The following FIBCD1 variants were observed in gnomAD, a reference collection of about 807,000 sequenced individuals.
FIBCD1 encodes fibrinogen C domain-containing protein 1.
Under a neutral mutation model 45.1 loss-of-function variants are expected in FIBCD1, and 47 were observed. The ratio of observed to expected loss-of-function variants is 1.04; its 90% CI spans 0.82 to 1.33. The LOEUF (loss-of-function observed/expected upper bound fraction) is 1.33. FIBCD1 is among the 40% of genes most tolerant of loss of function. FIBCD1 has a pLI of 0.00. For missense variants in FIBCD1, 653 were observed against 682.2 expected (o/e 0.96, Z 0.48); for synonymous variants, 313 against 308.1 (o/e 1.02, Z -0.17).
intron 1 of FIBCD1, among the ~76,000 whole-genome samples, chr9:130,933,424 G>A (rs951655124): frequency 2.0e-5 from 3 of 152,118 alleles, no homozygotes; most frequent in Admixed American, 6.5e-5. Context: ...AGGGCATCTC[G>A]GGCAAGTGAG....
Position 130,911,654 on chromosome 9 carries a change from C to T in FIBCD1, c.946+138G>A, listed in dbSNP as rs1452491335. On this transcript the variant is annotated intron_variant, in intron 5 of 6. Coordinates refer to ENST00000372338, the MANE Select transcript of FIBCD1 (RefSeq NM_032843.5). ...GAATGCCTGTCACCTTCATGCATGA[C>T]ACCTGTGAGCTGGCTCAGGTGTGCC... 4 of 686,926 alleles carry T rather than the reference C, an allele frequency of 5.8e-6. 1 individual carries two copies. The highest frequency in any genetic ancestry group is 2.7e-5 in the East Asian group (1 of 36,588). 42.6% of individuals were successfully genotyped at this position (686,926 alleles called of 1,614,324 possible). A position where few individuals can be genotyped will look rare whatever the true frequency, so the allele number is the denominator to read the frequency against.
At chr9:130,914,055 G>A (rs1014181456) in intron 4 of FIBCD1, among the ~76,000 whole-genome samples, 11 of 152,194 alleles carry the variant, frequency 7.2e-5, no homozygotes, top group African/African-American at 2.4e-4. Context: ...TCACAGCCAC[G>A]CCTTCCTCCC....
rs746552675 is a variant in FIBCD1, at chr9:130,904,344, G to T, written c.1127-21C>A. 8 of 1,584,704 alleles carry T rather than the reference G, an allele frequency of 5.0e-6. No individual in the cohort carries two copies. The South Asian group carries it at 6.8e-5, about 14-fold the overall frequency. On this transcript the variant is annotated intron_variant, in intron 6 of 6. Coordinates refer to ENST00000372338, the MANE Select transcript of FIBCD1 (RefSeq NM_032843.5). Reference sequence around the variant, plus strand: ...GTCGCCTGCGCAGGGGTGCACACAGGTGTGGGCACGGGGGGCACGGGTACA... The same window carrying T: ...GTCGCCTGCGCAGGGGTGCACACAGTTGTGGGCACGGGGGGCACGGGTACA...
chr9:130,917,119 G>C (rs1346436973), intron 4 of FIBCD1, among the ~76,000 whole-genome samples: 1 of 140,398 alleles, frequency 7.1e-6, no homozygotes, highest in Non-Finnish European at 1.6e-5. Context: ...AAACAAAATG[G>C]AGGCGGGGAG....
At chr9:130,928,963 T>C (rs1242138692) in intron 2 of FIBCD1, among the ~76,000 whole-genome samples, 2 of 152,030 alleles carry the variant, frequency 1.3e-5, no homozygotes, top group African/African-American at 4.8e-5. Context: ...CTGGAAAGCC[T>C]TCACCCAGAC....
In FIBCD1 at chr9:130,921,362, G is replaced by A. The variant is rs550823424; in HGVS notation, c.849+2382C>T. 6.6e-5 allele frequency among the ~76,000 whole-genome samples: 10 copies of A among 152,350 alleles called. No homozygotes were observed. The South Asian group carries it at 8.3e-4, about 13-fold the overall frequency. On this transcript the variant is annotated intron_variant, in intron 4 of 6. Coordinates refer to ENST00000372338, the MANE Select transcript of FIBCD1 (RefSeq NM_032843.5). Reference sequence around the variant, plus strand: ...GAGTTTCTGACGGATTCCATGTGGCGGGGGGTGATCCTGACAGATGTCGAG... The same window carrying A: ...GAGTTTCTGACGGATTCCATGTGGCAGGGGGTGATCCTGACAGATGTCGAG...
chr9:130,935,146 A>G (rs538716579), intron 1 of FIBCD1, among the ~76,000 whole-genome samples: 2 of 152,354 alleles, frequency 1.3e-5, no homozygotes, highest in East Asian at 3.9e-4. Context: ...GACATCAGGA[A>G]GAACTTCCCA....
chr9:130,906,438 C>G (rs997547189), intron 5 of FIBCD1, among the ~76,000 whole-genome samples: 1 of 152,220 alleles, frequency 6.6e-6, no homozygotes, highest in African/African-American at 2.4e-5. Context: ...CCATCCCGCC[C>G]GGACAAGAAG....
At chr9:130,911,195 C>CT (rs1250571899) in intron 5 of FIBCD1, among the ~76,000 whole-genome samples, 1 of 152,220 alleles carries the variant, frequency 6.6e-6, no homozygotes, top group Non-Finnish European at 1.5e-5. Context: ...CCTGAGCCAG[C>CT]TAGACCACGA....
At position 130,915,377 on chromosome 9, in the gene FIBCD1, T is replaced by C. The variant is rs1832140450; in HGVS notation, c.850-3489A>G. 1.3e-5 allele frequency among the ~76,000 whole-genome samples: 2 copies of C among 152,124 alleles called. 1 individual carries two copies. The highest frequency in any genetic ancestry group is 1.3e-4 in the Admixed American group (2 of 15,268). On this transcript the variant is annotated intron_variant, in intron 4 of 6. Transcript: ENST00000372338. Reference sequence around the variant, plus strand: ...AAACCACATACGGCCGGCACTCCTGTCCAGGTAGCCCGAATCAACGCCCAC... The same window carrying C: ...AAACCACATACGGCCGGCACTCCTGCCCAGGTAGCCCGAATCAACGCCCAC...
At chr9:130,938,357 G>A (rs1474557884) in intron 1 of FIBCD1, 179 bp downstream of exon 1, 2 of 492,824 alleles carry the variant, frequency 4.1e-6, no homozygotes, top group Admixed American at 4.6e-5. Context: ...ACCGAACCTC[G>A]AGTTCAAGCC....
At chr9:130,930,844 CAGAG>C (rs976581598) in intron 1 of FIBCD1, 4 of 455,818 alleles carry the variant, frequency 8.8e-6, no homozygotes, top group East Asian at 7.0e-5. Flanking sequence ...ATACACTGGT[CAGAG>C]AGAGCTGTGA....
chr9:130,912,891 C>T (rs958867804), intron 4 of FIBCD1, among the ~76,000 whole-genome samples: 1 of 152,052 alleles, frequency 6.6e-6, no homozygotes, highest in African/African-American at 2.4e-5. Flanking sequence ...AGAGCACCCC[C>T]CACACACCCC....
At position 130,915,578 on chromosome 9, in the gene FIBCD1, C is replaced by T. The variant is rs149207918; in HGVS notation, c.850-3690G>A. The stretch of plus-strand genomic sequence containing the variant: ...ATTAGCCGGGCATAGTGGCAGGTGC[C>T]TGTAGTCCCAGCTACTTGGGAGGCT... On this transcript the variant is annotated intron_variant, in intron 4 of 6. Transcript: ENST00000372338. Among the ~76,000 whole-genome samples the T allele has an allele frequency of 5.3e-3, 802 of 152,266 alleles. 8 individuals carry two copies. Among genetic ancestry groups the T allele is most frequent in the African/African-American group, 0.017 (725 of 41,564 alleles).
At chr9:130,906,064 G>A (rs956870998) in intron 5 of FIBCD1, among the ~76,000 whole-genome samples, 3 of 152,158 alleles carry the variant, frequency 2.0e-5, no homozygotes, top group Non-Finnish European at 4.4e-5. Flanking sequence ...CTGGCACAAT[G>A]GTGCTTACCC....
intron 1 of FIBCD1, among the ~76,000 whole-genome samples, 160 bp downstream of exon 1, chr9:130,938,376 G>GGGA (rs930916809): frequency 6.6e-6 from 1 of 152,196 alleles, no homozygotes; most frequent in African/African-American, 2.4e-5. Flanking sequence ...CCTCGGCTCG[G>GGGA]GGAGGAGGAG....
Position 130,923,768 on chromosome 9 carries a change from C to T in FIBCD1, c.825G>A (p.Met275Ile), listed in dbSNP as rs761913206. 2 of 1,612,694 alleles carry T rather than the reference C, an allele frequency of 1.2e-6. No individual in the cohort carries two copies. Among genetic ancestry groups the T allele is most frequent in the Non-Finnish European group, 1.7e-6 (2 of 1,179,918 alleles). Residue 275 changes from methionine (M) to isoleucine (I), a missense_variant, in exon 4 of 7, where the codon ATG (methionine) becomes ATA (isoleucine). Physicochemically the swap from Met to Ile is conservative, Grantham distance 10. Coordinates refer to ENST00000372338, the MANE Select transcript of FIBCD1 (RefSeq NM_032843.5). ...YPAGFQVYCD[M>I]RTDGGGWTVF... ...CCGTCCAGCCGCCGCCGTCCGTGCG[C>T]ATGTCACAGTACACCTGGAAGCCGG...
At chr9:130,910,359 C>T (rs10121658) in intron 5 of FIBCD1, among the ~76,000 whole-genome samples, 24,458 of 152,224 alleles carry the variant, frequency 0.16, 3,810 homozygotes, top group African/African-American at 0.41. Context: ...TGCCTTCCCG[C>T]GGGCCAGGGC....
At chr9:130,908,390 C>T (rs1314692344) in intron 5 of FIBCD1, among the ~76,000 whole-genome samples, 18 of 152,212 alleles carry the variant, frequency 1.2e-4, no homozygotes, top group Non-Finnish European at 2.6e-4. Flanking sequence ...CGGGCATCAC[C>T]GCTGCTCCAG....
Sources: gnomAD v4.1 joint callset for allele counts (sites outside exome capture counted in the v4.1 genomes callset) on GRCh38, gnomAD v4.1.1 for gene constraint, MANE v1.5 for transcripts, NCBI Gene and HGNC (gene_info 2026-07-23, HGNC 2026-07-21) for gene names.